Variants in FAM135B observed in about 807,000 individuals in gnomAD.
The protein encoded by FAM135B is protein FAM135B.
In FAM135B, 43 loss-of-function variants were observed where a neutral mutation model predicts 127.7. The ratio of observed to expected loss-of-function variants is 0.34; its 90% CI spans 0.26 to 0.43. FAM135B has a LOEUF of 0.43. Ranked by LOEUF, FAM135B falls within the 20% of genes least tolerant of loss-of-function variation. The pLI is 1.00. For synonymous variants in FAM135B, 670 were observed against 665.1 expected, an observed-to-expected ratio of 1.01 and a Z score of -0.11; for missense variants, 1,558 against 1,725.6, an observed-to-expected ratio of 0.90 and a Z score of 1.72.
intron 1 of FAM135B, among the ~76,000 whole-genome samples, chr8:138,447,059 C>A (rs903199433): frequency 1.2e-4 from 18 of 151,782 alleles, no homozygotes; most frequent in African/African-American, 3.9e-4. Context: ...AAAAAATGCT[C>A]ATCATCACTG....
At chr8:138,299,597 A>T (rs2130835921) in intron 3 of FAM135B, among the ~76,000 whole-genome samples, 1 of 151,770 alleles carries the variant, frequency 6.6e-6, no homozygotes, top group Non-Finnish European at 1.5e-5. Flanking sequence ...ACACACACAC[A>T]CACACACACA....
intron 1 of FAM135B, among the ~76,000 whole-genome samples, chr8:138,377,898 C>T (rs564860994): frequency 6.6e-5 from 10 of 152,180 alleles, no homozygotes; most frequent in Non-Finnish European, 1.5e-4. Flanking sequence ...TGTTGCCTAC[C>T]GTGATCACTG....
At chr8:138,206,341 C>CCACAGCTCTATCGTCCCCTCCACCTACG (rs1817588568) in intron 7 of FAM135B, among the ~76,000 whole-genome samples, 24 of 13,216 alleles carry the variant, frequency 1.8e-3, no homozygotes, top group South Asian at 4.1e-3. Flanking sequence ...CTCCACCTAC[C>CCACAGCTCTATCGTCCCCTCCACCTACG]CACAACTCCA....
chr8:138,374,559 T>C (rs1831344429), intron 1 of FAM135B, among the ~76,000 whole-genome samples: 1 of 152,092 alleles, frequency 6.6e-6, no homozygotes, highest in Non-Finnish European at 1.5e-5. Flanking sequence ...ACAAATACTA[T>C]GGAACTAAGG....
chr8:138,446,203 C>A (rs1836149419), intron 1 of FAM135B, among the ~76,000 whole-genome samples: 1 of 152,114 alleles, frequency 6.6e-6, no homozygotes, highest in Non-Finnish European at 1.5e-5. Context: ...TAGGAAGAAT[C>A]AATATCGTGA....
chr8:138,297,473 A>C (rs1825559167), intron 3 of FAM135B, among the ~76,000 whole-genome samples: 1 of 152,220 alleles, frequency 6.6e-6, no homozygotes, highest in Admixed American at 6.5e-5. Flanking sequence ...CTGTATAAAT[A>C]TTTACTAAAA....
At chr8:138,182,204 C>A (rs1418245850) in intron 9 of FAM135B, among the ~76,000 whole-genome samples, 4 of 152,178 alleles carry the variant, frequency 2.6e-5, no homozygotes, top group African/African-American at 9.7e-5. Context: ...GATTATGTTG[C>A]CTCAAGTTGA....
At chr8:138,454,150 C>G (rs888233484) in intron 1 of FAM135B, among the ~76,000 whole-genome samples, 1 of 151,756 alleles carries the variant, frequency 6.6e-6, no homozygotes, top group African/African-American at 2.4e-5. Context: ...AAGTCCACTG[C>G]TTTTAAAATT....
chr8:138,452,642 T>G (rs1346212059), intron 1 of FAM135B, among the ~76,000 whole-genome samples: 1 of 152,130 alleles, frequency 6.6e-6, no homozygotes, highest in Non-Finnish European at 1.5e-5. Flanking sequence ...CAATAACCAC[T>G]TATGAGCTCA....
chr8:138,341,992 G>C (rs917950956), intron 2 of FAM135B, among the ~76,000 whole-genome samples: 1 of 152,098 alleles, frequency 6.6e-6, no homozygotes, highest in African/African-American at 2.4e-5. Flanking sequence ...CCAAGTTTTG[G>C]TGCTCTCAAG....
intron 7 of FAM135B, among the ~76,000 whole-genome samples, chr8:138,204,773 C>T (rs1817430088): frequency 6.6e-6 from 1 of 152,040 alleles, no homozygotes; most frequent in Non-Finnish European, 1.5e-5. Flanking sequence ...TTTAACTTTG[C>T]CTGGGATAAA....
chr8:138,420,283 T>G (rs1452287086), intron 1 of FAM135B, among the ~76,000 whole-genome samples: 1 of 151,798 alleles, frequency 6.6e-6, no homozygotes, highest in Non-Finnish European at 1.5e-5. Context: ...AACATAAAAT[T>G]TCCCAAAACT....
chr8:138,440,824 C>T (rs1008075249), intron 1 of FAM135B: 1 of 151,800 alleles, frequency 6.6e-6, no homozygotes, highest in Non-Finnish European at 1.5e-5. Context: ...TGACATGCAA[C>T]TCAAGAGGTA....
chr8:138,314,174 A>C (rs113306340), intron 2 of FAM135B, among the ~76,000 whole-genome samples: 174 of 152,304 alleles, frequency 1.1e-3, no homozygotes, highest in Non-Finnish European at 1.9e-3. Flanking sequence ...AATGGTAATG[A>C]ATCAACAGTA....
At chr8:138,194,256 C>A (rs1816422303) in intron 9 of FAM135B, among the ~76,000 whole-genome samples, 1 of 152,162 alleles carries the variant, frequency 6.6e-6, no homozygotes, top group South Asian at 2.1e-4. Context: ...GTCCAACAGC[C>A]CCTCCCCAAA....
intron 1 of FAM135B, among the ~76,000 whole-genome samples, chr8:138,370,174 G>T (rs1226658547): frequency 6.6e-6 from 1 of 152,156 alleles, no homozygotes; most frequent in Non-Finnish European, 1.5e-5. Context: ...TGGCAGAATG[G>T]CTGGGACCAT....
At chr8:138,194,178 A>G (rs183559700) in intron 9 of FAM135B, among the ~76,000 whole-genome samples, 3 of 152,172 alleles carry the variant, frequency 2.0e-5, no homozygotes, top group African/African-American at 7.2e-5. Context: ...ATTTTTGATA[A>G]TCAGTGCTTG....
rs573381175 is a variant in FAM135B at position 138,268,581 on chromosome 8, A to G, written c.158-2739T>C. On this transcript the variant is annotated intron_variant, in intron 3 of 19. Coordinates refer to ENST00000395297, the MANE Select transcript of FAM135B (RefSeq NM_015912.4). ...CTGGGATTGTGGAGATCACTGGGACAACACTCCCTGCTTCATTCCCATTGG... is the reference window on the plus strand; with the variant it reads ...CTGGGATTGTGGAGATCACTGGGACGACACTCCCTGCTTCATTCCCATTGG... 7.2e-5 allele frequency among the ~76,000 whole-genome samples: 11 copies of G among 152,212 alleles called. No individual in the cohort carries two copies. In the East Asian group the frequency reaches 2.1e-3, roughly 29 times the overall value.
chr8:138,394,446 C>T (rs537399374), intron 1 of FAM135B, among the ~76,000 whole-genome samples: 1 of 152,260 alleles, frequency 6.6e-6, no homozygotes, highest in East Asian at 1.9e-4. Context: ...AGTCTCTTAG[C>T]CAGTAATAGA....
Sources: allele counts gnomAD v4.1 joint callset (sites outside exome capture counted in the v4.1 genomes callset), GRCh38; gene constraint gnomAD v4.1.1; transcripts MANE v1.5; gene names NCBI Gene and HGNC (gene_info 2026-07-23, HGNC 2026-07-21).